CFAP210: variants seen among roughly 807,000 people sequenced by gnomAD.
The protein encoded by CFAP210 is cilia- and flagella- associated protein 210.
At chr2:169,654,176 T>C in the CFAP210 span, 8 of 1,594,254 alleles carry the variant, frequency 5.0e-6, no homozygotes, top group Non-Finnish European at 6.0e-6. Flanking sequence ...GCTGCTGCTG[T>C]TCTACAGCTT....
the CFAP210 span, among the ~76,000 whole-genome samples, chr2:169,652,361 AT>A: frequency 6.6e-6 from 1 of 152,244 alleles, no homozygotes; most frequent in Non-Finnish European, 1.5e-5. Flanking sequence ...ATTCCAAAAA[AT>A]AGTATTTTAA....
At chr2:169,652,738 G>C in the CFAP210 span, among the ~76,000 whole-genome samples, 1 of 151,788 alleles carries the variant, frequency 6.6e-6, no homozygotes, top group Admixed American at 6.6e-5. Context: ...GCTCACGCCT[G>C]TAATCCCAGC....
the CFAP210 span, among the ~76,000 whole-genome samples, chr2:169,659,027 G>C: frequency 9.1e-4 from 138 of 152,226 alleles, 3 homozygotes; most frequent in East Asian, 0.025. Context: ...GCTAAGGTGG[G>C]AGAATCACTT....
the CFAP210 span, among the ~76,000 whole-genome samples, chr2:169,672,637 A>T: frequency 6.6e-6 from 1 of 152,184 alleles, no homozygotes; most frequent in Non-Finnish European, 1.5e-5. Flanking sequence ...AGCATCTGGC[A>T]CCAATAGATA....
chr2:169,649,460 A>C, the CFAP210 span: 1 of 939,868 alleles, frequency 1.1e-6, no homozygotes, highest in Non-Finnish European at 1.6e-6. Context: ...GGAGCAATGC[A>C]GGAGCAGAAA....
chr2:169,664,426 A>G, the CFAP210 span, among the ~76,000 whole-genome samples: 2 of 152,214 alleles, frequency 1.3e-5, no homozygotes, highest in African/African-American at 4.8e-5. Flanking sequence ...TAAGAATAAT[A>G]ACAAAAATGT....
At chr2:169,681,597 A>C in the CFAP210 span, among the ~76,000 whole-genome samples, 2 of 152,278 alleles carry the variant, frequency 1.3e-5, no homozygotes, top group East Asian at 3.9e-4. Context: ...TAAATGGATA[A>C]CTTTGTGGGT....
At chr2:169,653,090 G>GTA in the CFAP210 span, among the ~76,000 whole-genome samples, 2,080 of 106,346 alleles carry the variant, frequency 0.02, 110 homozygotes, top group African/African-American at 0.073. Context: ...ATATATGTAT[G>GTA]TATATATATA....
the CFAP210 span, chr2:169,681,323 T>C: frequency 1.1e-6 from 1 of 940,766 alleles, no homozygotes; most frequent in Non-Finnish European, 1.7e-6. Context: ...GCATGATAAC[T>C]GGAAATTATT....
At chr2:169,678,943 C>T in the CFAP210 span, among the ~76,000 whole-genome samples, 3 of 152,148 alleles carry the variant, frequency 2.0e-5, no homozygotes, top group Non-Finnish European at 4.4e-5. Context: ...ATTATTAAAT[C>T]TACAGTCATC....
the CFAP210 span, chr2:169,680,871 A>G: frequency 1.0e-5 from 7 of 671,758 alleles, no homozygotes; most frequent in Non-Finnish European, 2.5e-6. Context: ...TACCTAAATA[A>G]CACTGTTGAA....
At chr2:169,660,915 A>G in the CFAP210 span, 1 of 428,120 alleles carries the variant, frequency 2.3e-6, no homozygotes, top group Non-Finnish European at 4.5e-6. Context: ...ATGGTACATT[A>G]TTAATCCTTA....
chr2:169,660,429 T>C, the CFAP210 span, among the ~76,000 whole-genome samples: 2 of 151,624 alleles, frequency 1.3e-5, no homozygotes, highest in Non-Finnish European at 2.9e-5. Flanking sequence ...CTGTTTTTTT[T>C]TGTTTTGTTT....
chr2:169,654,274 A>G, the CFAP210 span: 4 of 1,407,532 alleles, frequency 2.8e-6, no homozygotes, highest in Non-Finnish European at 3.8e-6. Context: ...TCAACATATC[A>G]GTAGCTAACA....
the CFAP210 span, among the ~76,000 whole-genome samples, chr2:169,674,082 A>G: frequency 6.6e-6 from 1 of 152,154 alleles, no homozygotes. Context: ...AAGGCCAAGT[A>G]TACTTCCTTC....
chr2:169,654,250 A>T, the CFAP210 span: 2 of 1,511,186 alleles, frequency 1.3e-6, no homozygotes, highest in Non-Finnish European at 1.8e-6. Flanking sequence ...ACTTATCACA[A>T]AGAAAAATAT....
At chr2:169,682,794 T>C in the CFAP210 span, among the ~76,000 whole-genome samples, 1 of 152,156 alleles carries the variant, frequency 6.6e-6, no homozygotes, top group Non-Finnish European at 1.5e-5. Flanking sequence ...CCTGAACTTT[T>C]TCTGAACATA....
At chr2:169,646,668 C>T in the CFAP210 span, among the ~76,000 whole-genome samples, 3 of 152,000 alleles carry the variant, frequency 2.0e-5, no homozygotes, top group Non-Finnish European at 2.9e-5. Flanking sequence ...ATCTATTTCC[C>T]GAAAATTTAA....
the CFAP210 span, among the ~76,000 whole-genome samples, chr2:169,673,471 A>G: frequency 6.6e-6 from 1 of 152,340 alleles, no homozygotes; most frequent in South Asian, 2.1e-4. Flanking sequence ...CAATAAATCC[A>G]AAGGTTTTTC....
Sources: gnomAD v4.1 joint callset for allele counts (sites outside exome capture counted in the v4.1 genomes callset) on GRCh38, gnomAD v4.1.1 for gene constraint, MANE v1.5 for transcripts, NCBI Gene and HGNC (gene_info 2026-07-23, HGNC 2026-07-21) for gene names.